CWC22: variants seen among roughly 807,000 people sequenced by gnomAD.
CWC22 encodes pre-mRNA-splicing factor CWC22 homolog.
In CWC22, 53 loss-of-function variants were observed where a neutral mutation model predicts 117.2. The observed-to-expected ratio is 0.45, with a 90% CI of 0.36 to 0.57. The LOEUF is 0.57. Ranked by LOEUF, CWC22 falls within the 20% of genes least tolerant of loss-of-function variation. The probability of loss-of-function intolerance (pLI) is 0.00; values close to 1 mark genes in which losing one functional copy is unlikely to be tolerated. For synonymous variants in CWC22, 360 were observed against 355.6 expected, an observed-to-expected ratio of 1.01 and a Z score of -0.14; for missense variants, 980 against 1,068.8, an observed-to-expected ratio of 0.92 and a Z score of 1.16.
At chr2:179,963,719 A>C (rs966828369) in intron 13 of CWC22, among the ~76,000 whole-genome samples, 4 of 152,224 alleles carry the variant, frequency 2.6e-5, no homozygotes, top group African/African-American at 9.6e-5. Context: ...TTTGCTGTTT[A>C]ACGTTCCTCT....
At position 179,945,613 on chromosome 2, in the gene CWC22, CTTCT is replaced by C. The variant is rs768208711; in HGVS notation, c.2239_2242del (p.Arg747AspfsTer34). 1 of 1,613,174 alleles carries C rather than the reference CTTCT, an allele frequency of 6.2e-7. No individual in the cohort carries two copies. The highest frequency in any genetic ancestry group is 1.3e-5 in the African/African-American group (1 of 75,016). On this transcript the variant is annotated frameshift_variant, in exon 20 of 20. Coordinates refer to ENST00000410053, the MANE Select transcript of CWC22 (RefSeq NM_020943.3). LOFTEE classifies it high-confidence loss of function. ...TGTTTCCTGGTGCCCGTGTTCTTGT[CTTCT>C]TTCTTTTTGTTTCCTATCATTTGTT...
intron 19 of CWC22, among the ~76,000 whole-genome samples, chr2:179,948,409 T>A (rs76176271): frequency 0.15 from 22,056 of 151,456 alleles, 1,958 homozygotes; most frequent in Admixed American, 0.29. Context: ...TTTTTAACCA[T>A]CCAAAGATGG....
intron 11 of CWC22, among the ~76,000 whole-genome samples, chr2:179,967,637 T>C (rs1334978324): frequency 6.6e-6 from 1 of 152,208 alleles, no homozygotes; most frequent in South Asian, 2.1e-4. Flanking sequence ...CAGTTTCATC[T>C]GAGAATGTCC....
At chr2:180,004,404 T>C (rs192704196) in intron 1 of CWC22, among the ~76,000 whole-genome samples, 12 of 152,272 alleles carry the variant, frequency 7.9e-5, no homozygotes, top group African/African-American at 2.9e-4. Flanking sequence ...CTTCTTTTTT[T>C]TTCTTGAGAC....
intron 1 of CWC22, among the ~76,000 whole-genome samples, chr2:180,002,199 G>C (rs866992996): frequency 6.6e-6 from 1 of 152,148 alleles, no homozygotes; most frequent in African/African-American, 2.4e-5. Flanking sequence ...TCTTAAACCA[G>C]CTCTTCTTCT....
At chr2:179,995,255 C>T (rs762746589) in intron 1 of CWC22, among the ~76,000 whole-genome samples, 1 of 152,128 alleles carries the variant, frequency 6.6e-6, no homozygotes, top group African/African-American at 2.4e-5. Flanking sequence ...TTTTCCTACT[C>T]GATGCTATAC....
At chr2:179,951,618 G>A (rs1686450498) in intron 17 of CWC22, among the ~76,000 whole-genome samples, 1 of 152,104 alleles carries the variant, frequency 6.6e-6, no homozygotes. Context: ...AGGTAAGGAA[G>A]CATGAAAGAG....
intron 1 of CWC22, among the ~76,000 whole-genome samples, chr2:180,004,190 T>C (rs139917451): frequency 1.1e-4 from 16 of 152,280 alleles, no homozygotes; most frequent in South Asian, 8.3e-4. Context: ...ATGACCAAGT[T>C]AGGGATATGA....
chr2:179,965,132 G>A (rs754380339), intron 12 of CWC22, among the ~76,000 whole-genome samples: 1 of 152,050 alleles, frequency 6.6e-6, no homozygotes, highest in Non-Finnish European at 1.5e-5. Context: ...TATCTGAACA[G>A]TAAAATGTAG....
intron 1 of CWC22, among the ~76,000 whole-genome samples, chr2:179,993,834 C>G (rs565517730): frequency 1.3e-5 from 2 of 151,938 alleles, no homozygotes; most frequent in African/African-American, 2.4e-5. Flanking sequence ...AAGAGAAACT[C>G]TATATAAACT....
chr2:179,966,038 T>C, intron 11 of CWC22, 56 bp from the exon 12 acceptor site: 1 of 1,316,120 alleles, frequency 7.6e-7, no homozygotes, highest in South Asian at 1.3e-5. Context: ...TACATGTATT[T>C]CATTCTAAGA....
intron 13 of CWC22, among the ~76,000 whole-genome samples, chr2:179,959,973 C>T (rs1686704331): frequency 6.6e-6 from 1 of 152,030 alleles, no homozygotes; most frequent in Non-Finnish European, 1.5e-5. Context: ...CAACCAACTT[C>T]AAGCCATAAC....
chr2:179,979,615 A>T (rs1687237710), intron 5 of CWC22, among the ~76,000 whole-genome samples: 1 of 152,100 alleles, frequency 6.6e-6, no homozygotes, highest in Admixed American at 6.5e-5. Flanking sequence ...ATTGTTTAGT[A>T]TTGCTAGCAT....
intron 1 of CWC22, among the ~76,000 whole-genome samples, chr2:179,994,906 G>A (rs1011930689): frequency 6.6e-6 from 1 of 152,116 alleles, no homozygotes; most frequent in African/African-American, 2.4e-5. Flanking sequence ...CACAAGGTCA[G>A]GAGATTGACA....
chr2:179,958,415 T>G (rs1417862111), intron 14 of CWC22, among the ~76,000 whole-genome samples: 1 of 152,000 alleles, frequency 6.6e-6, no homozygotes, highest in Admixed American at 6.6e-5. Flanking sequence ...TGCTGTGATC[T>G]TTATCTTTTC....
At position 179,949,266 on chromosome 2, in the gene CWC22, T is replaced by A. The variant is rs374882303; in HGVS notation, c.2140+1246A>T. On this transcript the variant is annotated intron_variant, in intron 19 of 19. Transcript: ENST00000410053. ...CTAGAGAGACAAGAATGGGACTGGT[T>A]ATTTGCAATACATATATGTACAAAA... Among the ~76,000 whole-genome samples the A allele has an allele frequency of 4.6e-5, 7 of 152,188 alleles. No individual in the cohort carries two copies. The East Asian group carries it at 1.2e-3, about 25-fold the overall frequency.
At chr2:179,947,363 C>T (rs1479034561) in intron 19 of CWC22, among the ~76,000 whole-genome samples, 2 of 152,164 alleles carry the variant, frequency 1.3e-5, no homozygotes, top group Non-Finnish European at 2.9e-5. Flanking sequence ...CTACTGTACA[C>T]CACTGTCGGG....
chr2:179,955,705 A>C (rs2105511789), intron 14 of CWC22, among the ~76,000 whole-genome samples: 1 of 152,132 alleles, frequency 6.6e-6, no homozygotes, highest in African/African-American at 2.4e-5. Context: ...CGCCATGTAA[A>C]CCTCTCTGAA....
intron 8 of CWC22, among the ~76,000 whole-genome samples, chr2:179,972,316 T>A (rs1212503847): frequency 6.6e-6 from 1 of 152,140 alleles, no homozygotes; most frequent in Non-Finnish European, 1.5e-5. Context: ...GCAAGGACAA[T>A]TTTAGCATTT....
Sources: gnomAD v4.1 joint callset for allele counts (sites outside exome capture counted in the v4.1 genomes callset) on GRCh38, gnomAD v4.1.1 for gene constraint, MANE v1.5 for transcripts, NCBI Gene and HGNC (gene_info 2026-07-23, HGNC 2026-07-21) for gene names.